COX10: variants seen among roughly 807,000 people sequenced by gnomAD.
The protein encoded by COX10 is protoheme IX farnesyltransferase, mitochondrial.
COX10 carries 27 observed loss-of-function variants against 37.3 expected under a neutral mutation model. The ratio of observed to expected loss-of-function variants is 0.72; its 90% CI spans 0.53 to 1.00. COX10 has a LOEUF of 1.00. Among genes scored for constraint, COX10 ranks in the 50% least tolerant of loss-of-function variants. The probability of loss-of-function intolerance (pLI) is 0.00; values close to 1 mark genes in which losing one functional copy is unlikely to be tolerated. For synonymous variants in COX10, 222 were observed against 229.1 expected (o/e 0.97, Z 0.28); for missense variants, 475 against 563.2 (o/e 0.84, Z 1.59).
At chr17:14,146,892 G>C (rs1293914882) in intron 4 of COX10, among the ~76,000 whole-genome samples, 1 of 152,070 alleles carries the variant, frequency 6.6e-6, no homozygotes, top group African/African-American at 2.4e-5. Flanking sequence ...CATATGAGAA[G>C]ATGCTCAACA....
chr17:14,075,892 T>C (rs1237928638), intron 2 of COX10, among the ~76,000 whole-genome samples: 1 of 149,728 alleles, frequency 6.7e-6, no homozygotes, highest in Non-Finnish European at 1.5e-5. Flanking sequence ...CTTGGGAGGC[T>C]GAGGCAGGAG....
In COX10 at chr17:14,203,929, C is replaced by T. The variant is rs534474814; in HGVS notation, c.929-2881C>T. Among the ~76,000 whole-genome samples, 3 of 152,210 alleles carry T rather than the reference C, an allele frequency of 2.0e-5. No homozygotes were observed. The East Asian group carries it at 5.8e-4, about 30-fold the overall frequency. On this transcript the variant is annotated intron_variant, in intron 6 of 6. Coordinates refer to ENST00000261643, the MANE Select transcript of COX10 (RefSeq NM_001303.4). The stretch of plus-strand genomic sequence containing the variant: ...GCAGATGACACAGAGGGTTGGTGAA[C>T]TCTCAGTTCTCTGCCAGGGACCCCA...
intron 6 of COX10, among the ~76,000 whole-genome samples, chr17:14,202,485 T>G (rs573424132): frequency 2.0e-5 from 3 of 152,236 alleles, no homozygotes; most frequent in Admixed American, 6.5e-5. Context: ...CTGAATATCA[T>G]CAGGCAAATT....
chr17:14,201,595 A>T (rs1327036570), intron 6 of COX10, among the ~76,000 whole-genome samples: 1 of 152,252 alleles, frequency 6.6e-6, no homozygotes, highest in Non-Finnish European at 1.5e-5. Flanking sequence ...AAAGACAAGG[A>T]AAATCTCACA....
At chr17:14,168,723 C>G (rs1283510206) in intron 5 of COX10, among the ~76,000 whole-genome samples, 1 of 152,186 alleles carries the variant, frequency 6.6e-6, no homozygotes, top group East Asian at 1.9e-4. Context: ...CCAGCTGGAG[C>G]TGGAACGGCT....
chr17:14,140,627 CTA>C (rs1474694627), intron 4 of COX10, among the ~76,000 whole-genome samples: 17 of 152,180 alleles, frequency 1.1e-4, no homozygotes, highest in African/African-American at 4.1e-4. Context: ...TATTGAAACA[CTA>C]TATTCTTACT....
chr17:14,144,175 G>A (rs1322536805), intron 4 of COX10, among the ~76,000 whole-genome samples: 1 of 151,718 alleles, frequency 6.6e-6, no homozygotes, highest in East Asian at 1.9e-4. Flanking sequence ...GACCTCTGTA[G>A]ATTTGCCAAT....
chr17:14,153,469 ATAAG>A (rs1904959056), intron 4 of COX10, among the ~76,000 whole-genome samples: 1 of 152,226 alleles, frequency 6.6e-6, no homozygotes, highest in Admixed American at 6.5e-5. Context: ...TTCTATCAAA[ATAAG>A]AAAAAAGCAT....
intron 4 of COX10, among the ~76,000 whole-genome samples, chr17:14,125,463 T>A (rs1336697979): frequency 6.6e-6 from 1 of 152,208 alleles, no homozygotes; most frequent in African/African-American, 2.4e-5. Context: ...ACTTTAATAC[T>A]GAAAAGCACA....
intron 5 of COX10, chr17:14,182,245 G>A (rs952220510): frequency 3.0e-5 from 23 of 756,246 alleles, no homozygotes; most frequent in Middle Eastern, 1.3e-3. Flanking sequence ...TTTAGAGATG[G>A]GACCCCATTT....
intron 2 of COX10, among the ~76,000 whole-genome samples, chr17:14,075,707 C>T (rs574324862): frequency 6.6e-6 from 1 of 152,258 alleles, no homozygotes; most frequent in East Asian, 1.9e-4. Context: ...AATCATTCAG[C>T]CGGCCAGGCG....
intron 4 of COX10, among the ~76,000 whole-genome samples, chr17:14,115,424 G>C (rs1338551866): frequency 6.6e-6 from 1 of 152,110 alleles, no homozygotes; most frequent in Non-Finnish European, 1.5e-5. Flanking sequence ...CTCATACACT[G>C]TTGGTAGGAA....
chr17:14,200,765 T>C (rs1482983848), intron 6 of COX10, among the ~76,000 whole-genome samples: 6 of 152,212 alleles, frequency 3.9e-5, no homozygotes, highest in Non-Finnish European at 8.8e-5. Flanking sequence ...TTAAACCAAA[T>C]GTGTACAAAG....
chr17:14,183,307 C>G (rs558888734), intron 5 of COX10, among the ~76,000 whole-genome samples: 1 of 152,064 alleles, frequency 6.6e-6, no homozygotes, highest in African/African-American at 2.4e-5. Context: ...TTTTTTTGTT[C>G]AAGAAAATTA....
intron 3 of COX10, among the ~76,000 whole-genome samples, chr17:14,081,136 A>G (rs1231762900): frequency 2.0e-5 from 3 of 152,222 alleles, no homozygotes; most frequent in Non-Finnish European, 4.4e-5. Context: ...GCAGTGACAG[A>G]GTTAATTGCA....
intron 3 of COX10, among the ~76,000 whole-genome samples, chr17:14,080,567 T>TG (rs1231468213): frequency 1.3e-5 from 2 of 152,260 alleles, no homozygotes; most frequent in Non-Finnish European, 2.9e-5. Context: ...AAGCAGTCTT[T>TG]ACCAGTTTCG....
intron 5 of COX10, among the ~76,000 whole-genome samples, chr17:14,180,055 A>C (rs1255573337): frequency 6.6e-6 from 1 of 152,174 alleles, no homozygotes; most frequent in African/African-American, 2.4e-5. Context: ...ACATTTTTCA[A>C]ATTTACTGAG....
intron 6 of COX10, among the ~76,000 whole-genome samples, chr17:14,196,745 C>T (rs1906379478): frequency 6.6e-6 from 1 of 152,134 alleles, no homozygotes; most frequent in South Asian, 2.1e-4. Flanking sequence ...TCCTCCACTT[C>T]CTTCTCTCTC....
At chr17:14,176,346 G>A (rs1287724199) in intron 5 of COX10, among the ~76,000 whole-genome samples, 2 of 152,170 alleles carry the variant, frequency 1.3e-5, no homozygotes, top group African/African-American at 4.8e-5. Flanking sequence ...CCCCTGTTCA[G>A]TCAAATCCTC....
Sources: allele counts gnomAD v4.1 joint callset (sites outside exome capture counted in the v4.1 genomes callset), GRCh38; gene constraint gnomAD v4.1.1; transcripts MANE v1.5; gene names NCBI Gene and HGNC (gene_info 2026-07-23, HGNC 2026-07-21).